Variants in ACOX3 observed in about 807,000 individuals in gnomAD.
The protein encoded by ACOX3 is peroxisomal acyl-coenzyme A oxidase 3.
ACOX3 carries 73 observed loss-of-function variants against 81.5 expected under a neutral mutation model. That is an observed-to-expected ratio of 0.90 (90% CI 0.74 to 1.09). The LOEUF (loss-of-function observed/expected upper bound fraction) is 1.09. ACOX3 is among the 50% of genes least tolerant of loss of function. The pLI, the probability that ACOX3 is intolerant of heterozygous loss-of-function variation, is 0.00. For synonymous variants in ACOX3, 387 were observed against 375.1 expected (o/e 1.03, Z -0.37); for missense variants, 947 against 928.0 (o/e 1.02, Z -0.27).
chr4:8,357,746 C>T, the ACOX3 span: 20 of 210,664 alleles, frequency 9.5e-5, no homozygotes, highest in South Asian at 1.7e-3. Context: ...GTGGGGGCTG[C>T]ACCCTTGCAG....
chr4:8,390,028 G>T (rs1250888767), intron 11 of ACOX3, among the ~76,000 whole-genome samples: 1 of 151,622 alleles, frequency 6.6e-6, no homozygotes, highest in Non-Finnish European at 1.5e-5. Context: ...GCTTGAGCCT[G>T]GGAGGCGGAG....
In ACOX3 at chr4:8,392,465, G is replaced by A. The variant is rs1389483440; in HGVS notation, c.1180-12C>T. On this transcript the variant is annotated splice_polypyrimidine_tract_variant and intron_variant, in intron 10 of 17. Transcript: ENST00000356406. ...CGTCCAAGCTCTGCCTTTGGGTGAG[G>A]GAATCCAACAAGAACAGGTGAAAAG... 3 of 1,552,520 alleles carry A rather than the reference G, an allele frequency of 1.9e-6. No individual in the cohort carries two copies. Among genetic ancestry groups the A allele is most frequent in the Non-Finnish European group, 2.6e-6 (3 of 1,153,144 alleles).
At chr4:8,362,581 G>C (rs1715249916), downstream of ACOX3, among the ~76,000 whole-genome samples, 1 of 152,246 alleles carries the variant, frequency 6.6e-6, no homozygotes, top group African/African-American at 2.4e-5. Context: ...GGAATGGGAT[G>C]CTTTGCATTA....
the ACOX3 span, chr4:8,356,903 G>GT: frequency 2.4e-5 from 11 of 455,858 alleles, no homozygotes; most frequent in African/African-American, 2.2e-4. Flanking sequence ...AAAGTGTGCA[G>GT]AACAGTGCAC....
rs765570314 is a variant in ACOX3, at chr4:8,437,667, G to A, written c.-15+2981C>T. ...AAGAAGTCAAGTTAGGCAAGGATTC[G>A]AGAGCCGGCCAAGGCTAGAGAGACA... On this transcript the variant is annotated intron_variant, in intron 1 of 17. Coordinates refer to ENST00000356406, the MANE Select transcript of ACOX3 (RefSeq NM_003501.3). The surrounding 1 kb of genome is among the most constrained non-coding windows in gnomAD (Gnocchi z 5.2). Among the ~76,000 whole-genome samples, 12 of 152,228 alleles carry A rather than the reference G, an allele frequency of 7.9e-5. No individual in the cohort carries two copies. In the South Asian group the frequency reaches 1.4e-3, roughly 18 times the overall value.
rs1423274461 is a variant in ACOX3, at chr4:8,381,659, T to C, written c.1538-52A>G. The C allele has an allele frequency of 1.5e-6, 2 of 1,378,324 alleles. No individual in the cohort carries two copies. Among genetic ancestry groups the C allele is most frequent in the Non-Finnish European group, 2.1e-6 (2 of 975,590 alleles). 85.4% of individuals were successfully genotyped at this position (1,378,324 alleles called of 1,614,324 possible). ...AAAGTAACAATAGAGAACACAGCAT[T>C]TGTCACAACTCACCCCCAGGGACAA... is the stretch of plus-strand genomic sequence containing the variant. On this transcript the variant is annotated intron_variant, in intron 13 of 17. Coordinates refer to ENST00000356406, the MANE Select transcript of ACOX3 (RefSeq NM_003501.3). The surrounding 1 kb of genome is among the most constrained non-coding windows in gnomAD (Gnocchi z 4.3).
In ACOX3 at chr4:8,366,800, C is replaced by A; in HGVS notation, c.*161G>T. 1 of 975,006 alleles carries A rather than the reference C, an allele frequency of 1.0e-6. No homozygotes were observed. Among genetic ancestry groups the A allele is most frequent in the Non-Finnish European group, 1.5e-6 (1 of 682,028 alleles). The allele number at this position is 975,006 out of a possible 1,614,324, so 60.4% of individuals were successfully genotyped here. A position where few individuals can be genotyped will look rare whatever the true frequency, so the allele number is the denominator to read the frequency against. On this transcript the variant is annotated 3_prime_UTR_variant, in exon 18 of 18. Coordinates refer to ENST00000356406, the MANE Select transcript of ACOX3 (RefSeq NM_003501.3). ...TCCAGCCGGCCGGGTGCCTCCCTCC[C>A]GTCCGCCTGGGCAGTTGAGGCCAAT...
chr4:8,404,435 CTTTT>C (rs370622347), intron 7 of ACOX3, among the ~76,000 whole-genome samples: 11 of 125,338 alleles, frequency 8.8e-5, no homozygotes, highest in Non-Finnish European at 8.8e-5. Context: ...TCTTGTTTTG[CTTTT>C]TTTTTTTTTT....
intron 1 of ACOX3, among the ~76,000 whole-genome samples, chr4:8,433,552 T>C (rs1212564790): frequency 6.6e-6 from 1 of 152,206 alleles, no homozygotes; most frequent in Non-Finnish European, 1.5e-5. Context: ...TAAGATAGCA[T>C]AAAAATCAAT....
At chr4:8,383,576 G>A (rs1484881060) in intron 13 of ACOX3, among the ~76,000 whole-genome samples, 1 of 152,184 alleles carries the variant, frequency 6.6e-6, no homozygotes, top group Non-Finnish European at 1.5e-5. Flanking sequence ...CCCCCACCAC[G>A]AGAGGGAGGC....
chr4:8,377,269 C>T (rs1483356874), intron 14 of ACOX3, among the ~76,000 whole-genome samples: 3 of 152,324 alleles, frequency 2.0e-5, no homozygotes, highest in South Asian at 2.1e-4. Context: ...CCACTCTCCC[C>T]GTCGCCTGCA....
chr4:8,382,987 T>G lies in ACOX3; in HGVS notation c.1538-1380A>C, dbSNP rs1477566980. Among the ~76,000 whole-genome samples, 1 of 93,362 alleles carries G rather than the reference T, an allele frequency of 1.1e-5. No homozygotes were observed. Among genetic ancestry groups the G allele is most frequent in the Admixed American group, 1.3e-4 (1 of 7,668 alleles). 61.2% of individuals were successfully genotyped at this position (93,362 alleles called of 152,430 possible). ...GCCTGGGCGACAGAGCGAGACTCCG[T>G]CTCAAAAAAAAAAAAAAAAGAAAAG... On this transcript the variant is annotated intron_variant, in intron 13 of 17. Transcript: ENST00000356406. This position sits in a 1 kb window ranked among gnomAD's most constrained non-coding sequence, Gnocchi z 4.1.
In ACOX3 at chr4:8,440,659, A is replaced by T; in HGVS notation, c.-26T>A. ...GTCAAATTCCTCACCCACACACTCC[A>T]CAGTTCAACCCCTGCCAGGGAAACC... On this transcript the variant is annotated 5_prime_UTR_variant, in exon 1 of 18. It introduces an in-frame stop codon into an upstream open reading frame of the 5' UTR. Coordinates refer to ENST00000356406, the MANE Select transcript of ACOX3 (RefSeq NM_003501.3). 1.2e-6 allele frequency: 1 copy of T among 833,156 alleles called. No homozygotes were observed. The highest frequency in any genetic ancestry group is 1.7e-6 in the Non-Finnish European group (1 of 577,844). The allele number at this position is 833,156 out of a possible 1,614,324, so 51.6% of individuals were successfully genotyped here.
At chr4:8,373,808 C>T (rs1716573595) in intron 15 of ACOX3, 180 bp from the exon 16 acceptor site, 4 of 622,084 alleles carry the variant, frequency 6.4e-6, no homozygotes, top group Non-Finnish European at 1.1e-5. Context: ...GCTCAGGGGC[C>T]GAGTTCTGAG....
Position 8,437,491 on chromosome 4 carries a change from C to T in ACOX3, c.-15+3157G>A, listed in dbSNP as rs1023177053. 6.6e-6 allele frequency among the ~76,000 whole-genome samples: 1 copy of T among 152,166 alleles called. No homozygotes were observed. The highest frequency in any genetic ancestry group is 2.4e-5 in the African/African-American group (1 of 41,446). ...GCGGGGGCAGGGCCTGTGCCACTGC[C>T]TGGCCCCGCCAGGTGGCCATAGAAG... On this transcript the variant is annotated intron_variant, in intron 1 of 17. Coordinates refer to ENST00000356406, the MANE Select transcript of ACOX3 (RefSeq NM_003501.3). This position sits in a 1 kb window ranked among gnomAD's most constrained non-coding sequence, Gnocchi z 5.2.
chr4:8,436,274 T>C (rs924760219), intron 1 of ACOX3: 2 of 151,978 alleles, frequency 1.3e-5, no homozygotes, highest in African/African-American at 4.8e-5. Flanking sequence ...CTGGGAGCTA[T>C]ACATGGACGG....
Position 8,414,866 on chromosome 4 carries a change from G to A in ACOX3, c.441C>T (p.Ile147=), listed in dbSNP as rs1722149211. 2 of 1,614,170 alleles carry A rather than the reference G, an allele frequency of 1.2e-6. No individual in the cohort carries two copies. Among genetic ancestry groups the A allele is most frequent in the Non-Finnish European group, 1.7e-6 (2 of 1,179,978 alleles). ...SERHLTYIQK[I]FRMEIFGCFA... is the part of the protein sequence containing the mutation. The stretch of plus-strand genomic sequence containing the variant: ...AACCAGAACTTACCTCCATCCTGAA[G>A]ATCTTTTGAATATATGTGAGATGTC... Residue 147 remains isoleucine, a synonymous_variant, in exon 4 of 18, where the codon ATC becomes ATT. Transcript: ENST00000356406. The surrounding 1 kb of genome is among the most constrained non-coding windows in gnomAD (Gnocchi z 6.1).
At chr4:8,356,591 T>C in the ACOX3 span, 1 of 456,634 alleles carries the variant, frequency 2.2e-6, no homozygotes, top group Non-Finnish European at 4.4e-6. Flanking sequence ...AGGAAGAAAG[T>C]GTGCAGAATG....
At position 8,410,471 on chromosome 4, in the gene ACOX3, T is replaced by A. The variant is rs569341667; in HGVS notation, c.544-116A>T. ...CGTTCAAAATCTCTGAGGCAAGAGT[T>A]GAAACTAATCGCACATTTTAGTTCT... is the stretch of plus-strand genomic sequence containing the variant. On this transcript the variant is annotated intron_variant, in intron 5 of 17. Transcript: ENST00000356406. 214 of 1,367,036 alleles carry A rather than the reference T, an allele frequency of 1.6e-4. No individual in the cohort carries two copies. The African/African-American group carries it at 2.9e-3, about 18-fold the overall frequency. 84.7% of individuals were successfully genotyped at this position (1,367,036 alleles called of 1,614,324 possible).
Sources: gnomAD v4.1 joint callset for allele counts (sites outside exome capture counted in the v4.1 genomes callset) on GRCh38, gnomAD v4.1.1 for gene constraint, Gnocchi (gnomAD v3.1) non-coding constraint, MANE v1.5 for transcripts, NCBI Gene and HGNC (gene_info 2026-07-23, HGNC 2026-07-21) for gene names.